ATP11A: variants seen among roughly 807,000 people sequenced by gnomAD.
The protein encoded by ATP11A is phospholipid-transporting ATPase IH.
In ATP11A, 81 loss-of-function variants were observed where a neutral mutation model predicts 154.4. The observed-to-expected ratio is 0.52, with a 90% CI of 0.44 to 0.63. The LOEUF (loss-of-function observed/expected upper bound fraction) is 0.63, where lower values mean the gene tolerates loss of function less well. Ranked by LOEUF, ATP11A falls within the 30% of genes least tolerant of loss-of-function variation. The pLI is 0.00. For missense variants in ATP11A, 1,316 were observed against 1,474.3 expected, an observed-to-expected ratio of 0.89 and a Z score of 1.76; for synonymous variants, 623 against 585.9, an observed-to-expected ratio of 1.06 and a Z score of -0.91.
In ATP11A at chr13:112,883,569, T is replaced by A; in HGVS notation, c.*1703T>A. The A allele has an allele frequency of 5.7e-6, 1 of 174,634 alleles. No homozygotes were observed. Among genetic ancestry groups the A allele is most frequent in the Non-Finnish European group, 1.2e-5 (1 of 83,368 alleles). The allele number at this position is 174,634 out of a possible 1,614,324, so 10.8% of individuals were successfully genotyped here. Reference sequence around the variant, plus strand: ...TGTATAATCTTTTACCTATAAAATATTTATTTGAAGTAGAGGGTAAATCAG... The same window carrying A: ...TGTATAATCTTTTACCTATAAAATAATTATTTGAAGTAGAGGGTAAATCAG... On this transcript the variant is annotated 3_prime_UTR_variant, in exon 30 of 30. Transcript: ENST00000375645.
At chr13:112,756,425 C>A (rs549399845) in intron 1 of ATP11A, among the ~76,000 whole-genome samples, 88 of 152,312 alleles carry the variant, frequency 5.8e-4, no homozygotes, top group African/African-American at 2.1e-3. Flanking sequence ...CCCTTCCAGT[C>A]CAGGAGAGGC....
intron 1 of ATP11A, among the ~76,000 whole-genome samples, chr13:112,702,020 G>C (rs1177441040): frequency 2.6e-5 from 4 of 152,026 alleles, no homozygotes; most frequent in Non-Finnish European, 5.9e-5. Context: ...GCTAGTAGCA[G>C]TTCCTCCTCT....
At chr13:112,821,502 T>C (rs557050400) in intron 8 of ATP11A, among the ~76,000 whole-genome samples, 29 of 152,250 alleles carry the variant, frequency 1.9e-4, no homozygotes, top group Middle Eastern at 6.8e-3. Flanking sequence ...ATAGTAGAGA[T>C]GGGGTTTTGC....
At position 112,806,197 on chromosome 13, in the gene ATP11A, TTC is replaced by T. The variant is rs2078317713; in HGVS notation, c.253-10_253-9del. On this transcript the variant is annotated splice_polypyrimidine_tract_variant and intron_variant, in intron 3 of 29. Coordinates refer to ENST00000375645, the MANE Select transcript of ATP11A (RefSeq NM_015205.3). ...TGTGTTTTTGAAGATGATTTTACAA[TTC>T]TCTCTTTCTGCAGTTGATTATTGAT... 1 of 1,601,322 alleles carries T rather than the reference TTC, an allele frequency of 6.2e-7. No homozygotes were observed. Among genetic ancestry groups the T allele is most frequent in the Non-Finnish European group, 8.5e-7 (1 of 1,170,394 alleles).
rs2080852993 is a variant in ATP11A, at chr13:112,880,507, T to G, written c.*10-1369T>G. 2.3e-6 allele frequency: 3 copies of G among 1,283,130 alleles called. No homozygotes were observed. The East Asian group carries it at 1.7e-4, about 73-fold the overall frequency. The allele number at this position is 1,283,130 out of a possible 1,614,324, so 79.5% of individuals were successfully genotyped here. A position where few individuals can be genotyped will look rare whatever the true frequency, so the allele number is the denominator to read the frequency against. ...GGCCCGAGCACTCCTGGTGGCCCCGTGTGGCCCACGTCGCTCAGTATCTTT... is the reference window on the plus strand; with the variant it reads ...GGCCCGAGCACTCCTGGTGGCCCCGGGTGGCCCACGTCGCTCAGTATCTTT... On this transcript the variant is annotated intron_variant, in intron 29 of 29. Coordinates refer to ENST00000375645, the MANE Select transcript of ATP11A (RefSeq NM_015205.3).
intron 26 of ATP11A, 105 bp downstream of exon 26, chr13:112,871,905 G>A (rs989344949): frequency 8.8e-6 from 11 of 1,243,838 alleles, no homozygotes; most frequent in Non-Finnish European, 1.3e-5. Flanking sequence ...TACTGAGGCT[G>A]GAAGCCACTC....
chr13:112,732,474 C>T (rs1443517874), intron 1 of ATP11A, among the ~76,000 whole-genome samples: 1 of 151,684 alleles, frequency 6.6e-6, no homozygotes, highest in Non-Finnish European at 1.5e-5. Context: ...CTCTCTCCAG[C>T]TCCATCTCTC....
rs1350334033 is a variant in ATP11A at position 112,738,462 on chromosome 13, C to G, written c.40-46673C>G. On this transcript the variant is annotated intron_variant, in intron 1 of 29. Transcript: ENST00000375645. ...CTCTGCTCGTAGAGTATTGAACGAA[C>G]CTGAGATTATTGCCATAATTTACTG... Among the ~76,000 whole-genome samples, 3 of 152,202 alleles carry G rather than the reference C, an allele frequency of 2.0e-5. No homozygotes were observed. The East Asian group carries it at 5.8e-4, about 29-fold the overall frequency.
At chr13:112,801,684 T>A (rs2078136924) in intron 2 of ATP11A, among the ~76,000 whole-genome samples, 1 of 152,170 alleles carries the variant, frequency 6.6e-6, no homozygotes, top group Non-Finnish European at 1.5e-5. Flanking sequence ...CTATTTACAT[T>A]TAACCCCCCC....
intron 15 of ATP11A, among the ~76,000 whole-genome samples, chr13:112,835,630 G>A (rs1042635958): frequency 2.0e-5 from 3 of 152,194 alleles, no homozygotes; most frequent in Non-Finnish European, 2.9e-5. Context: ...GAGCCCCTCC[G>A]CAGCTTCCCA....
chr13:112,879,914 C>G (rs1322347547), intron 29 of ATP11A, among the ~76,000 whole-genome samples: 1 of 152,234 alleles, frequency 6.6e-6, no homozygotes, highest in Non-Finnish European at 1.5e-5. Context: ...GTGCTGGCAT[C>G]TCTGCGTATC....
At chr13:112,726,368 G>A (rs551579005) in intron 1 of ATP11A, among the ~76,000 whole-genome samples, 1 of 152,102 alleles carries the variant, frequency 6.6e-6, no homozygotes, top group East Asian at 1.9e-4. Flanking sequence ...GAGAGGGGCT[G>A]TGGGGAAACA....
intron 1 of ATP11A, among the ~76,000 whole-genome samples, chr13:112,716,936 G>GTGCACC (rs11281377): frequency 1 from 152,152 of 152,284 alleles, 76,010 homozygotes; most frequent in Middle Eastern, 1. Flanking sequence ...CTGGAGGCCC[G>GTGCACC]TGCACTTTCC....
chr13:112,813,938 C>T (rs1422783290), intron 5 of ATP11A, among the ~76,000 whole-genome samples: 1 of 151,970 alleles, frequency 6.6e-6, no homozygotes, highest in Non-Finnish European at 1.5e-5. Flanking sequence ...GTTGAGAGGT[C>T]ATATAATCTA....
At chr13:112,840,835 C>T (rs1221967319) in intron 16 of ATP11A, among the ~76,000 whole-genome samples, 2 of 152,034 alleles carry the variant, frequency 1.3e-5, no homozygotes, top group Non-Finnish European at 2.9e-5. Context: ...GGATCCGGGT[C>T]GTCAGCCCGA....
intron 2 of ATP11A, among the ~76,000 whole-genome samples, chr13:112,801,522 T>C (rs866506004): frequency 3.3e-5 from 5 of 152,368 alleles, no homozygotes; most frequent in African/African-American, 9.6e-5. Flanking sequence ...ACAAGTGATA[T>C]GATTGTCCAT....
In ATP11A at chr13:112,883,876, G is replaced by A. The variant is rs966315851; in HGVS notation, c.*2010G>A. 3 of 152,588 alleles carry A rather than the reference G, an allele frequency of 2.0e-5. No individual in the cohort carries two copies. Among genetic ancestry groups the A allele is most frequent in the African/African-American group, 7.2e-5 (3 of 41,470 alleles). The allele number at this position is 152,588 out of a possible 1,614,324, so 9.5% of individuals were successfully genotyped here. A position where few individuals can be genotyped will look rare whatever the true frequency, so the allele number is the denominator to read the frequency against. ...TATGGGCATAAATGTAACACCTGTA[G>A]CGGGGGCAGATTCTCTGTATGTTCA... On this transcript the variant is annotated 3_prime_UTR_variant, in exon 30 of 30. Coordinates refer to ENST00000375645, the MANE Select transcript of ATP11A (RefSeq NM_015205.3).
Position 112,782,477 on chromosome 13 carries a change from T to C in ATP11A, c.40-2658T>C, listed in dbSNP as rs145533437. 5.5e-3 allele frequency among the ~76,000 whole-genome samples: 835 copies of C among 152,392 alleles called. 7 individuals carry two copies. The highest frequency in any genetic ancestry group is 0.018 in the African/African-American group (753 of 41,594). ...TATATTCTTATTCAGTGCAATTTCC[T>C]GATTTCACGAGAATGAGAAGCATCT... On this transcript the variant is annotated intron_variant, in intron 1 of 29. Coordinates refer to ENST00000375645, the MANE Select transcript of ATP11A (RefSeq NM_015205.3).
chr13:112,716,682 C>A (rs1054100315), intron 1 of ATP11A, among the ~76,000 whole-genome samples: 1 of 152,170 alleles, frequency 6.6e-6, no homozygotes, highest in African/African-American at 2.4e-5. Context: ...GGGGCCGGGC[C>A]GCTGGAGAGG....
Sources: allele counts gnomAD v4.1 joint callset (sites outside exome capture counted in the v4.1 genomes callset), GRCh38; gene constraint gnomAD v4.1.1; transcripts MANE v1.5; gene names NCBI Gene and HGNC (gene_info 2026-07-23, HGNC 2026-07-21).